Variants in RARB observed in about 807,000 individuals in gnomAD.
The protein encoded by RARB is retinoic acid receptor beta.
A neutral mutation model predicts 51.9 loss-of-function variants in RARB; 17 were observed. The observed-to-expected ratio is 0.33, with a 90% CI of 0.22 to 0.49. The LOEUF (loss-of-function observed/expected upper bound fraction) is 0.49. Ranked by LOEUF, RARB falls within the 20% of genes least tolerant of loss-of-function variation. The pLI, the probability that RARB is intolerant of heterozygous loss-of-function variation, is 0.99. For synonymous variants in RARB, 215 were observed against 195.4 expected (o/e 1.10, Z -0.84); for missense variants, 369 against 550.8 (o/e 0.67, Z 3.30).
intron 5 of RARB, among the ~76,000 whole-genome samples, chr3:25,254,166 G>T (rs1041384562): frequency 6.6e-6 from 1 of 152,150 alleles, no homozygotes; most frequent in Non-Finnish European, 1.5e-5. Context: ...CATGAGACAT[G>T]TAATACATCA....
chr3:25,236,569 A>AG (rs1208565936), intron 5 of RARB, among the ~76,000 whole-genome samples: 1 of 152,162 alleles, frequency 6.6e-6, no homozygotes, highest in Non-Finnish European at 1.5e-5. Flanking sequence ...GGAAGGAAAG[A>AG]GAAGAGGAAA....
intron 2 of RARB, among the ~76,000 whole-genome samples, chr3:24,945,610 A>G (rs1695756350): frequency 6.6e-6 from 1 of 152,222 alleles, no homozygotes; most frequent in African/African-American, 2.4e-5. Context: ...ACTTCTTTGA[A>G]TGAACGTATT....
chr3:25,007,903 G>T (rs1486267522), intron 2 of RARB, among the ~76,000 whole-genome samples: 2 of 151,940 alleles, frequency 1.3e-5, no homozygotes, highest in African/African-American at 4.8e-5. Context: ...ATACCCACAG[G>T]GTGACCTTGG....
At chr3:25,110,444 GC>G (rs1699583125) in intron 3 of RARB, among the ~76,000 whole-genome samples, 1 of 152,188 alleles carries the variant, frequency 6.6e-6, no homozygotes. Flanking sequence ...CCAGGACTCA[GC>G]TTCAAATATT....
At chr3:25,141,205 C>A (rs747004137) in intron 4 of RARB, among the ~76,000 whole-genome samples, 4 of 151,876 alleles carry the variant, frequency 2.6e-5, no homozygotes, top group African/African-American at 9.7e-5. Context: ...AATTCTTAGA[C>A]CCGGGAAACT....
chr3:25,238,632 A>G (rs1272740372), intron 5 of RARB, among the ~76,000 whole-genome samples: 2 of 152,174 alleles, frequency 1.3e-5, no homozygotes, highest in Non-Finnish European at 2.9e-5. Context: ...CCAATGGTGT[A>G]TAAGAATTCT....
chr3:25,550,663 G>A (rs995883094), intron 3 of RARB, among the ~76,000 whole-genome samples: 1 of 152,120 alleles, frequency 6.6e-6, no homozygotes, highest in South Asian at 2.1e-4. Context: ...AGGATGTGCA[G>A]GTTTGTTACA....
chr3:25,197,920 T>C (rs1190076785), intron 5 of RARB, among the ~76,000 whole-genome samples: 1 of 151,898 alleles, frequency 6.6e-6, no homozygotes, highest in Non-Finnish European at 1.5e-5. Context: ...TTCACAGAAA[T>C]AGAAAAAATA....
chr3:25,174,138 T>G (rs1210157187), exon 5 of RARB: 1 of 196,136 alleles, frequency 5.1e-6, no homozygotes, highest in African/African-American at 2.3e-5. Flanking sequence ...CTCTGAAATT[T>G]GAAGGTGCTA....
intron 2 of RARB, among the ~76,000 whole-genome samples, chr3:24,940,887 T>C (rs546172291): frequency 1.1e-4 from 16 of 152,240 alleles, no homozygotes; most frequent in African/African-American, 3.6e-4. Context: ...GTGAAAAATA[T>C]AGGAATTTAG....
At chr3:25,348,365 T>C (rs1268806423) in intron 5 of RARB, among the ~76,000 whole-genome samples, 2 of 148,486 alleles carry the variant, frequency 1.3e-5, no homozygotes, top group African/African-American at 2.5e-5. Context: ...ATAATAACTA[T>C]AGTGGGAGCA....
intron 3 of RARB, among the ~76,000 whole-genome samples, chr3:25,543,288 G>A (rs1418817566): frequency 6.6e-6 from 1 of 152,124 alleles, no homozygotes; most frequent in East Asian, 1.9e-4. Context: ...ACTGTGAGTA[G>A]GAGCTGGCTG....
At chr3:24,865,690 A>G (rs531639625) in intron 2 of RARB, among the ~76,000 whole-genome samples, 5 of 152,308 alleles carry the variant, frequency 3.3e-5, no homozygotes, top group African/African-American at 9.6e-5. Context: ...TTCTTGTACA[A>G]CTATAAAACC....
At chr3:25,138,786 G>T (rs1043324392) in intron 4 of RARB, among the ~76,000 whole-genome samples, 6 of 152,032 alleles carry the variant, frequency 3.9e-5, no homozygotes, top group Non-Finnish European at 8.8e-5. Context: ...TAAGAATTCT[G>T]TGCAGACATA....
chr3:25,511,345 A>G (rs1286749), intron 3 of RARB, among the ~76,000 whole-genome samples: 36,507 of 151,836 alleles, frequency 0.24, 5,815 homozygotes, highest in African/African-American at 0.44. Context: ...GTTAGCCAGG[A>G]TGGTCTCAAT....
At chr3:24,838,611 G>T (rs138926249) in intron 1 of RARB, among the ~76,000 whole-genome samples, 229 of 152,292 alleles carry the variant, frequency 1.5e-3, no homozygotes, top group African/African-American at 5.2e-3. Context: ...GATAGCCATG[G>T]TATTAAACAA....
At chr3:25,039,114 C>T (rs1462102543) in intron 2 of RARB, among the ~76,000 whole-genome samples, 2 of 152,154 alleles carry the variant, frequency 1.3e-5, no homozygotes, top group African/African-American at 2.4e-5. Context: ...CTTGTCTGTA[C>T]AGGCTTGACA....
At chr3:24,875,690 T>C (rs1392040813) in intron 2 of RARB, among the ~76,000 whole-genome samples, 1 of 152,118 alleles carries the variant, frequency 6.6e-6, no homozygotes, top group African/African-American at 2.4e-5. Context: ...TTTACCCTCA[T>C]GTTAATACCT....
chr3:24,994,681 G>C (rs1301602474), intron 2 of RARB, among the ~76,000 whole-genome samples: 6 of 151,990 alleles, frequency 3.9e-5, no homozygotes, highest in Admixed American at 3.9e-4. Context: ...GGTAGAGTGA[G>C]AGGGGGACAT....
Sources: allele counts gnomAD v4.1 joint callset (sites outside exome capture counted in the v4.1 genomes callset), GRCh38; gene constraint gnomAD v4.1.1; transcripts MANE v1.5; gene names NCBI Gene and HGNC (gene_info 2026-07-23, HGNC 2026-07-21).